Variants in FAM228B observed in about 807,000 individuals in gnomAD.
FAM228B encodes the protein protein FAM228B.
In FAM228B, 38 loss-of-function variants were observed where a neutral mutation model predicts 42.6. The observed-to-expected ratio is 0.89, with a 90% CI of 0.69 to 1.17. FAM228B has a LOEUF of 1.17. Ranked by LOEUF, FAM228B falls within the 50% of genes most tolerant of loss-of-function variation. FAM228B has a pLI of 0.00. For synonymous variants in FAM228B, 109 were observed against 122.3 expected, an observed-to-expected ratio of 0.89 and a Z score of 0.72; for missense variants, 344 against 367.3, an observed-to-expected ratio of 0.94 and a Z score of 0.52.
chr2:24,105,147 G>T (rs147198885), intron 3 of FAM228B, among the ~76,000 whole-genome samples: 179 of 152,368 alleles, frequency 1.2e-3, no homozygotes, highest in African/African-American at 4.2e-3. Flanking sequence ...CAGTGGTCCT[G>T]ATTCTGCCTG....
chr2:24,150,192 A>G (rs141401862), intron 7 of FAM228B, among the ~76,000 whole-genome samples: 14 of 152,172 alleles, frequency 9.2e-5, no homozygotes, highest in African/African-American at 3.1e-4. Context: ...ATCACCAGTG[A>G]GTTTTGTATC....
chr2:24,132,042 G>C (rs1666467361), intron 2 of FAM228B, among the ~76,000 whole-genome samples: 1 of 152,134 alleles, frequency 6.6e-6, no homozygotes, highest in Non-Finnish European at 1.5e-5. Flanking sequence ...AACATGAAGG[G>C]ATGTTGAATT....
chr2:24,168,786 TGAG>T (rs1395628662), intron 10 of FAM228B, among the ~76,000 whole-genome samples: 2 of 151,808 alleles, frequency 1.3e-5, no homozygotes, highest in African/African-American at 4.8e-5. Flanking sequence ...CTTCCACAGG[TGAG>T]GAGGCAGCAC....
chr2:24,097,473 C>CAAAA (rs1665522962), intron 3 of FAM228B: 1 of 119,386 alleles, frequency 8.4e-6, no homozygotes, highest in African/African-American at 3.5e-5. Flanking sequence ...AAAAAAAAAG[C>CAAAA]AGGGGTTGCA....
At chr2:24,112,943 A>T (rs1665822455) in intron 3 of FAM228B, among the ~76,000 whole-genome samples, 1 of 151,210 alleles carries the variant, frequency 6.6e-6, no homozygotes, top group African/African-American at 2.4e-5. Flanking sequence ...TTCCATACTC[A>T]CTCTTCTTCC....
intron 7 of FAM228B, among the ~76,000 whole-genome samples, chr2:24,157,029 T>C (rs151302204): frequency 2.4e-4 from 36 of 152,314 alleles, no homozygotes; most frequent in African/African-American, 7.0e-4. Flanking sequence ...TGTGTCACTA[T>C]TATCCTTCAG....
chr2:24,077,823 C>T lies in FAM228B; in HGVS notation c.-290+854C>T. 1 of 1,541,734 alleles carries T rather than the reference C, an allele frequency of 6.5e-7. No homozygotes were observed. The highest frequency in any genetic ancestry group is 8.8e-7 in the Non-Finnish European group (1 of 1,139,426). On this transcript the variant is annotated intron_variant, in intron 1 of 10. Coordinates refer to the FAM228B transcript ENST00000613899. The surrounding 1 kb of genome is among the most constrained non-coding windows in gnomAD (Gnocchi z 5.5). ...AGAGCCTCACCCTGCCCTCCTCATC[C>T]TCCTCAGCCTTCTTGCTCTCTCTGA... is the stretch of plus-strand genomic sequence containing the variant.
rs1373195968 is a variant in FAM228B at position 24,147,028 on chromosome 2, A to G, written c.628A>G (p.Asn210Asp). 1.3e-6 allele frequency: 2 copies of G among 1,551,358 alleles called. No homozygotes were observed. Among genetic ancestry groups the G allele is most frequent in the Admixed American group, 2.0e-5 (1 of 50,992 alleles). The change falls in exon 7 of 11, where the codon AAC (asparagine) becomes GAC (aspartate). Residue 210 changes from asparagine to aspartate, a missense_variant. Asn to Asp is a conservative substitution (Grantham distance 23, BLOSUM62 1). Coordinates refer to ENST00000615575, the MANE Select transcript of FAM228B (RefSeq NM_001145710.2). ...ISNSRHFITPNEWLKLPTRYI... is the reference protein window; with the variant it reads ...ISNSRHFITPDEWLKLPTRYI... ...TAATTCAAGGCACTTTATAACTCCA[A>G]ACGAGTGGCTGAAACTGCCTACAAG...
At chr2:24,078,375 A>G (rs192025638) in intron 1 of FAM228B, among the ~76,000 whole-genome samples, 1 of 152,210 alleles carries the variant, frequency 6.6e-6, no homozygotes, top group African/African-American at 2.4e-5. Context: ...GTCTCTATAA[A>G]AAATACAAGC....
chr2:24,162,341 A>G (rs1667305502), intron 8 of FAM228B, among the ~76,000 whole-genome samples: 2 of 152,218 alleles, frequency 1.3e-5, no homozygotes, highest in African/African-American at 4.8e-5. Context: ...GGTACATACT[A>G]TCAAATACTA....
chr2:24,163,174 C>G (rs1042856486), intron 8 of FAM228B, among the ~76,000 whole-genome samples: 1 of 152,230 alleles, frequency 6.6e-6, no homozygotes, highest in African/African-American at 2.4e-5. Flanking sequence ...TTACAATTCT[C>G]TGTTCCTAAA....
At chr2:24,119,958 A>AC (rs1415359415), upstream of FAM228B, among the ~76,000 whole-genome samples, 1 of 152,058 alleles carries the variant, frequency 6.6e-6, no homozygotes, top group African/African-American at 2.4e-5. Flanking sequence ...ATTATCATAT[A>AC]CCCCATCCCA....
chr2:24,167,327 G>C (rs563888787), intron 9 of FAM228B, among the ~76,000 whole-genome samples: 1 of 152,162 alleles, frequency 6.6e-6, no homozygotes, highest in Non-Finnish European at 1.5e-5. Context: ...GACCTAGGGA[G>C]GTCTAGGGGG....
intron 2 of FAM228B, among the ~76,000 whole-genome samples, chr2:24,093,268 A>C (rs945686091): frequency 6.6e-6 from 1 of 152,132 alleles, no homozygotes; most frequent in Non-Finnish European, 1.5e-5. Context: ...CCCCTCATGC[A>C]TCAGGTGTTT....
chr2:24,105,868 A>G (rs2150997723), intron 3 of FAM228B, among the ~76,000 whole-genome samples: 1 of 152,344 alleles, frequency 6.6e-6, no homozygotes, highest in South Asian at 2.1e-4. Flanking sequence ...AGAATCCCAG[A>G]GCTTGAAGAC....
In FAM228B at chr2:24,143,430, G is replaced by A. The variant is rs1462296514; in HGVS notation, c.442-3318G>A. On this transcript the variant is annotated intron_variant, in intron 5 of 10. Coordinates refer to ENST00000615575, the MANE Select transcript of FAM228B (RefSeq NM_001145710.2). ...AGGATGGTTTTGATCTCCTGACCTC[G>A]TGATCCGCCCGCCTTGGCCTCCCAA... Among the ~76,000 whole-genome samples the A allele has an allele frequency of 5.3e-5, 8 of 152,262 alleles. No homozygotes were observed. In the South Asian group the frequency reaches 8.3e-4, roughly 16 times the overall value.
intron 7 of FAM228B, 63 bp from the exon 8 acceptor site, chr2:24,161,443 G>T: frequency 1.0e-6 from 1 of 981,720 alleles, no homozygotes; most frequent in Admixed American, 2.3e-5. Flanking sequence ...CAGAGATCTT[G>T]TCTCAAAAAA....
chr2:24,139,282 A>G, intron 4 of FAM228B, 88 bp from the exon 5 acceptor site: 1 of 644,882 alleles, frequency 1.6e-6, no homozygotes. Flanking sequence ...TAAGAATGAT[A>G]CTATGTGTTT....
Position 24,130,182 on chromosome 2 carries a change from A to G in FAM228B, c.100-4937A>G, listed in dbSNP as rs191589092. On this transcript the variant is annotated intron_variant, in intron 2 of 10. Transcript: ENST00000615575. ...GGCTGCATAGTATTCCATGGTGTATATGTACATTTTCTTTATCCAGTCTAT... is the reference window on the plus strand; with the variant it reads ...GGCTGCATAGTATTCCATGGTGTATGTGTACATTTTCTTTATCCAGTCTAT... Among the ~76,000 whole-genome samples the G allele has an allele frequency of 3.1e-4, 47 of 152,220 alleles. 1 individual carries two copies. Among genetic ancestry groups the G allele is most frequent in the Middle Eastern group, 3.4e-3 (1 of 294 alleles).
Sources: gnomAD v4.1 joint callset for allele counts (sites outside exome capture counted in the v4.1 genomes callset) on GRCh38, gnomAD v4.1.1 for gene constraint, Gnocchi (gnomAD v3.1) non-coding constraint, MANE v1.5 for transcripts, NCBI Gene and HGNC (gene_info 2026-07-23, HGNC 2026-07-21) for gene names.